The following PKHD1 variants were observed in gnomAD, a reference collection of about 807,000 sequenced individuals.
PKHD1 encodes the protein PKHD1 ciliary IPT domain containing fibrocystin/polyductin, also known as fibrocystin.
PKHD1 carries 291 observed loss-of-function variants against 412.0 expected under a neutral mutation model. The ratio of observed to expected loss-of-function variants is 0.71; its 90% CI spans 0.64 to 0.78. The LOEUF (loss-of-function observed/expected upper bound fraction) is 0.78, where lower values mean the gene tolerates loss of function less well. PKHD1 is among the 30% of genes least tolerant of loss of function. The pLI, the probability that PKHD1 is intolerant of heterozygous loss-of-function variation, is 0.00. For synonymous variants in PKHD1, 1,777 were observed against 1,821.5 expected, an observed-to-expected ratio of 0.98 and a Z score of 0.62; for missense variants, 4,825 against 4,950.7, an observed-to-expected ratio of 0.97 and a Z score of 0.76.
intron 60 of PKHD1, among the ~76,000 whole-genome samples, chr6:51,739,616 G>A (rs1020413546): frequency 4.6e-5 from 7 of 152,134 alleles, no homozygotes; most frequent in African/African-American, 1.7e-4. Flanking sequence ...AAGTTTGATG[G>A]CAGCAGAAAT....
chr6:51,995,361 A>G (rs1797601513), intron 35 of PKHD1, among the ~76,000 whole-genome samples: 4 of 151,910 alleles, frequency 2.6e-5, no homozygotes, highest in Admixed American at 2.6e-4. Context: ...TTAAATCTAC[A>G]CTCCTTAGTT....
chr6:51,887,615 A>G (rs927591190), intron 43 of PKHD1, among the ~76,000 whole-genome samples: 2 of 152,150 alleles, frequency 1.3e-5, no homozygotes, highest in Non-Finnish European at 2.9e-5. Context: ...AAAAGTGTAC[A>G]GCACCTTGTG....
At chr6:51,998,916 T>C (rs1239908787) in intron 35 of PKHD1, among the ~76,000 whole-genome samples, 1 of 152,228 alleles carries the variant, frequency 6.6e-6, no homozygotes, top group Non-Finnish European at 1.5e-5. Flanking sequence ...TTTGTGGCAT[T>C]GTTGGGATAT....
chr6:51,830,316 T>C (rs1208575172), intron 52 of PKHD1, among the ~76,000 whole-genome samples: 1 of 152,200 alleles, frequency 6.6e-6, no homozygotes, highest in Non-Finnish European at 1.5e-5. Flanking sequence ...AATCATCTTT[T>C]TTATAACGTG....
At chr6:51,857,825 A>G (rs1387666130) in intron 48 of PKHD1, among the ~76,000 whole-genome samples, 1 of 152,206 alleles carries the variant, frequency 6.6e-6, no homozygotes, top group African/African-American at 2.4e-5. Flanking sequence ...TTCTTGCAAG[A>G]TTAAATGTAT....
chr6:51,947,801 A>G (rs1252324871), intron 36 of PKHD1, among the ~76,000 whole-genome samples: 2 of 152,126 alleles, frequency 1.3e-5, no homozygotes, highest in Non-Finnish European at 2.9e-5. Flanking sequence ...TATATCTCCA[A>G]GCTTGTGCCC....
In PKHD1 at chr6:51,967,654, A is replaced by G. The variant is rs112033411; in HGVS notation, c.5752-7628T>C. Among the ~76,000 whole-genome samples the G allele has an allele frequency of 7.6e-3, 1,126 of 147,258 alleles. 13 individuals carry two copies. Among genetic ancestry groups the G allele is most frequent in the African/African-American group, 0.026 (997 of 38,458 alleles). ...TGTGGGAAGTTGTGTGTGTGTGTGT[A>G]TGTGTGTGTGTGTGTGTGTGTGTAT... On this transcript the variant is annotated intron_variant, in intron 35 of 66. Transcript: ENST00000371117.
At chr6:51,868,144 T>C in intron 47 of PKHD1, 35 bp from the exon 48 acceptor site, 1 of 1,571,072 alleles carries the variant, frequency 6.4e-7, no homozygotes, top group Non-Finnish European at 8.8e-7. Context: ...TATTACACAA[T>C]GGCACAAATA....
At chr6:52,046,367 G>A (rs564617903) in intron 23 of PKHD1, among the ~76,000 whole-genome samples, 179 bp from the exon 24 acceptor site, 2 of 152,078 alleles carry the variant, frequency 1.3e-5, no homozygotes, top group Non-Finnish European at 1.5e-5. Context: ...TTTTCCTAAG[G>A]TAAAGACAAG....
chr6:51,637,365 C>T (rs1768714679), intron 64 of PKHD1, among the ~76,000 whole-genome samples: 1 of 152,162 alleles, frequency 6.6e-6, no homozygotes. Flanking sequence ...TATGTTAGGA[C>T]ACTTTGACAC....
chr6:51,865,801 A>G (rs1774975194), intron 48 of PKHD1, among the ~76,000 whole-genome samples: 1 of 152,218 alleles, frequency 6.6e-6, no homozygotes, highest in African/African-American at 2.4e-5. Context: ...AATGCAGCAA[A>G]GTTTGCATCT....
At chr6:51,931,846 G>A (rs940172871) in intron 37 of PKHD1, among the ~76,000 whole-genome samples, 1 of 150,574 alleles carries the variant, frequency 6.6e-6, no homozygotes, top group African/African-American at 2.4e-5. Flanking sequence ...GAGGGAGAAG[G>A]AGAATAAAGG....
At chr6:51,927,388 C>G (rs970233564) in intron 37 of PKHD1, among the ~76,000 whole-genome samples, 1 of 152,100 alleles carries the variant, frequency 6.6e-6, no homozygotes. Flanking sequence ...CTCCTTGGGG[C>G]TTATTAAAGA....
chr6:51,786,640 C>T (rs1196859229), intron 53 of PKHD1, among the ~76,000 whole-genome samples: 1 of 152,126 alleles, frequency 6.6e-6, no homozygotes, highest in East Asian at 1.9e-4. Flanking sequence ...AAAATATGTA[C>T]CTGTTCACAT....
At chr6:52,048,418 AG>A in intron 23 of PKHD1, 73 bp downstream of exon 23, 1 of 1,390,844 alleles carries the variant, frequency 7.2e-7, no homozygotes, top group Non-Finnish European at 1.0e-6. Context: ...ACAACCTCCC[AG>A]GATGTTGTTC....
At chr6:51,741,351 A>G (rs762705998) in intron 60 of PKHD1, among the ~76,000 whole-genome samples, 5 of 152,144 alleles carry the variant, frequency 3.3e-5, no homozygotes, top group Non-Finnish European at 7.4e-5. Context: ...TTCCTTCTGA[A>G]AAAGCTTTTT....
chr6:51,647,208 T>C (rs1258886192), intron 63 of PKHD1, among the ~76,000 whole-genome samples: 1 of 152,190 alleles, frequency 6.6e-6, no homozygotes, highest in East Asian at 1.9e-4. Flanking sequence ...TTAATATGTG[T>C]CTCTTTTGTC....
intron 48 of PKHD1, 67 bp from the exon 49 acceptor site, chr6:51,856,137 T>C (rs1228405733): frequency 3.3e-6 from 3 of 919,794 alleles, no homozygotes; most frequent in Non-Finnish European, 5.5e-6. Flanking sequence ...ATCCAATACA[T>C]TCCTCTTTCA....
At position 51,909,371 on chromosome 6, in the gene PKHD1, C is replaced by T; in HGVS notation, c.6594G>A (p.Gln2198=). The T allele has an allele frequency of 6.2e-7, 1 of 1,613,562 alleles. No individual in the cohort carries two copies. The highest frequency in any genetic ancestry group is 8.5e-7 in the Non-Finnish European group (1 of 1,179,590). ...IVQSFPEEPS[Q]VQLKGVQFQV... ...GAAACTGCACTCCCTTCAACTGGAC[C>T]TGGCTGGGCTCTTCTGGGAAGGACT... Residue 2198 remains glutamine (Q), a synonymous_variant, in exon 40 of 67, where the codon CAG becomes CAA. Coordinates refer to ENST00000371117, the MANE Select transcript of PKHD1 (RefSeq NM_138694.4).
Sources: gnomAD v4.1 joint callset for allele counts (sites outside exome capture counted in the v4.1 genomes callset) on GRCh38, gnomAD v4.1.1 for gene constraint, MANE v1.5 for transcripts, NCBI Gene and HGNC (gene_info 2026-07-23, HGNC 2026-07-21) for gene names.